Variants in NINJ1 observed in about 807,000 individuals in gnomAD.
The protein encoded by NINJ1 is ninjurin-1.
In NINJ1, 6 loss-of-function variants were observed where a neutral mutation model predicts 12.7. That is an observed-to-expected ratio of 0.47 (90% CI 0.26 to 0.93). NINJ1 has a LOEUF of 0.93. Among genes scored for constraint, NINJ1 ranks in the 40% least tolerant of loss-of-function variants. The probability of loss-of-function intolerance (pLI) is 0.15; values close to 1 mark genes in which losing one functional copy is unlikely to be tolerated. For missense variants in NINJ1, 170 were observed against 213.0 expected (o/e 0.80, Z 1.26); for synonymous variants, 100 against 96.0 (o/e 1.04, Z -0.25).
intron 1 of NINJ1, chr9:93,131,555 G>A (rs1232200393): frequency 6.6e-6 from 1 of 152,322 alleles, no homozygotes; most frequent in Non-Finnish European, 1.5e-5. Context: ...TGAGGGGCAG[G>A]AAGGTGTGGC....
At chr9:93,133,721 C>T (rs1827931914) in intron 1 of NINJ1, among the ~76,000 whole-genome samples, 1 of 152,214 alleles carries the variant, frequency 6.6e-6, no homozygotes, top group Admixed American at 6.5e-5. Context: ...GCTGTGACTC[C>T]CCTCCGCCCG....
chr9:93,130,842 G>A (rs1377100244), intron 1 of NINJ1, among the ~76,000 whole-genome samples: 2 of 152,238 alleles, frequency 1.3e-5, no homozygotes, highest in Admixed American at 6.5e-5. Flanking sequence ...AGGTTCTCCT[G>A]TGCTGAGCAG....
chr9:93,122,228 G>A lies in NINJ1; in HGVS notation c.*12C>T, dbSNP rs1451481320. The A allele has an allele frequency of 2.0e-5, 3 of 153,612 alleles. No individual in the cohort carries two copies. The highest frequency in any genetic ancestry group is 7.2e-5 in the African/African-American group (3 of 41,466). 9.5% of individuals were successfully genotyped at this position (153,612 alleles called of 1,614,324 possible). On this transcript the variant is annotated splice_region_variant and 3_prime_UTR_variant, in exon 4 of 4. Coordinates refer to ENST00000375446, the MANE Select transcript of NINJ1 (RefSeq NM_004148.4). ...AGTTGCAGGGCAGGCAACATCCAGG[G>A]TCCTGGAAAGGAGACAGAGGAGAGG... is the stretch of plus-strand genomic sequence containing the variant.
At chr9:93,123,373 C>T (rs1422853460) in intron 3 of NINJ1, among the ~76,000 whole-genome samples, 1 of 152,212 alleles carries the variant, frequency 6.6e-6, no homozygotes, top group Non-Finnish European at 1.5e-5. Flanking sequence ...CAATCTCCAC[C>T]TTCCAGGTTC....
chr9:93,124,154 G>T (rs1587663004), intron 3 of NINJ1, among the ~76,000 whole-genome samples: 2 of 152,232 alleles, frequency 1.3e-5, no homozygotes, highest in African/African-American at 4.8e-5. Context: ...GGCATGTCAG[G>T]CAGGCGGTCA....
chr9:93,132,973 C>G (rs1246809505), intron 1 of NINJ1, among the ~76,000 whole-genome samples: 4 of 152,228 alleles, frequency 2.6e-5, no homozygotes, highest in Non-Finnish European at 4.4e-5. Context: ...CCTTTGTTCT[C>G]TCTTTATAAG....
rs564046350 is a variant in NINJ1, at chr9:93,134,075, G to A, written c.75+68C>T. 412 of 1,294,226 alleles carry A rather than the reference G, an allele frequency of 3.2e-4. 1 individual carries two copies. In the African/African-American group the frequency reaches 5.3e-3, roughly 17 times the overall value. 80.2% of individuals were successfully genotyped at this position (1,294,226 alleles called of 1,614,324 possible). A position where few individuals can be genotyped will look rare whatever the true frequency, so the allele number is the denominator to read the frequency against. On this transcript the variant is annotated intron_variant, in intron 1 of 3. Transcript: ENST00000375446. ...GCGGACGCGGCGCACACAGGTGCCC[G>A]GGGAGCCGCGGCGCCCCGAAAGGAC...
intron 1 of NINJ1, among the ~76,000 whole-genome samples, chr9:93,133,179 A>G (rs1827922661): frequency 6.6e-6 from 1 of 152,098 alleles, no homozygotes; most frequent in African/African-American, 2.4e-5. Context: ...CCCCAGGGCC[A>G]TCCTATCCCG....
chr9:93,121,946 G>T lies in NINJ1; in HGVS notation c.*294C>A, dbSNP rs1827743059. ...GGTCGAGACCCTTCTCTGGGCACAG[G>T]TCTCTGCAGCTGTCCAGTTCTGACC... On this transcript the variant is annotated 3_prime_UTR_variant, in exon 4 of 4. Coordinates refer to ENST00000375446, the MANE Select transcript of NINJ1 (RefSeq NM_004148.4). 1 of 152,324 alleles carries T rather than the reference G, an allele frequency of 6.6e-6. No individual in the cohort carries two copies. 9.4% of individuals were successfully genotyped at this position (152,324 alleles called of 1,614,324 possible).
Position 93,124,139 on chromosome 9 carries a change from A to C in NINJ1, c.*9+760T>G, listed in dbSNP as rs529013907. ...CCGTCCTGGTCAGAGTGGCACAGTG[A>C]GGTGGGCATGTCAGGCAGGCGGTCA... On this transcript the variant is annotated intron_variant, in intron 3 of 3. Coordinates refer to ENST00000375446, the MANE Select transcript of NINJ1 (RefSeq NM_004148.4). Among the ~76,000 whole-genome samples the C allele has an allele frequency of 1.7e-4, 26 of 152,300 alleles. No individual in the cohort carries two copies. In the East Asian group the frequency reaches 3.3e-3, roughly 19 times the overall value.
chr9:93,129,568 C>A (rs971422423), intron 1 of NINJ1, among the ~76,000 whole-genome samples: 1 of 152,218 alleles, frequency 6.6e-6, no homozygotes, highest in African/African-American at 2.4e-5. Context: ...GGCCCTGACG[C>A]AAGCTCCCCC....
intron 1 of NINJ1, among the ~76,000 whole-genome samples, chr9:93,132,961 A>G (rs897721948): frequency 1.3e-5 from 2 of 152,070 alleles, no homozygotes; most frequent in Non-Finnish European, 2.9e-5. Context: ...GGCAGGAGAG[A>G]CCCTTTGTTC....
intron 2 of NINJ1, 28 bp downstream of exon 2, chr9:93,126,382 G>GC (rs1444586493): frequency 4.4e-6 from 7 of 1,587,186 alleles, no homozygotes; most frequent in Non-Finnish European, 6.0e-6. Context: ...TGAGCAGGTG[G>GC]CCTGGCTGCC....
intron 1 of NINJ1, among the ~76,000 whole-genome samples, chr9:93,129,103 C>G (rs564154883): frequency 6.6e-6 from 1 of 152,196 alleles, no homozygotes; most frequent in Non-Finnish European, 1.5e-5. Flanking sequence ...GCTCTCAGCA[C>G]CCCCAGCCAC....
rs749553353 is a variant in NINJ1 at position 93,124,938 on chromosome 9, CT to C, written c.428del (p.Lys143SerfsTer3). 3.7e-6 allele frequency: 6 copies of C among 1,613,570 alleles called. No homozygotes were observed. Among genetic ancestry groups the C allele is most frequent in the Non-Finnish European group, 5.1e-6 (6 of 1,179,686 alleles). On this transcript the variant is annotated frameshift_variant, in exon 3 of 4. Coordinates refer to ENST00000375446, the MANE Select transcript of NINJ1 (RefSeq NM_004148.4). LOFTEE classifies it high-confidence loss of function. ...GCTGGGGTGCCATGTCCATCAAGGG[CT>C]TCTGGACCCCGAAGGCCGTGATGAA... is the stretch of plus-strand genomic sequence containing the variant. ...NIFITAFGVQKPLMDMAPQQ is the reference protein window; with the variant it reads ...NIFITAFGVQXPLMDMAPQQ
At chr9:93,131,250 TGGAAGGCGGGG>T (rs1827889109) in intron 1 of NINJ1, among the ~76,000 whole-genome samples, 1 of 152,218 alleles carries the variant, frequency 6.6e-6, no homozygotes, top group East Asian at 1.9e-4. Flanking sequence ...CAGGAAGTGC[TGGAAGGCGGGG>T]TTCCCACCAC....
chr9:93,124,518 GC>G (rs1827780942), intron 3 of NINJ1, among the ~76,000 whole-genome samples: 1 of 151,802 alleles, frequency 6.6e-6, no homozygotes, highest in Admixed American at 6.6e-5. Flanking sequence ...CAAGTGATCT[GC>G]CCGCCTCAGC....
intron 1 of NINJ1, among the ~76,000 whole-genome samples, chr9:93,132,107 G>A (rs1176965967): frequency 2.0e-5 from 3 of 152,010 alleles, no homozygotes; most frequent in African/African-American, 4.8e-5. Context: ...CAGGCACCGC[G>A]ACCACACCCA....
At chr9:93,132,153 C>T (rs1827903712) in intron 1 of NINJ1, among the ~76,000 whole-genome samples, 1 of 152,238 alleles carries the variant, frequency 6.6e-6, no homozygotes. Flanking sequence ...AGAGTGCTGA[C>T]ATGATGTGCC....
Sources: allele counts gnomAD v4.1 joint callset (sites outside exome capture counted in the v4.1 genomes callset), GRCh38; gene constraint gnomAD v4.1.1; transcripts MANE v1.5; gene names NCBI Gene and HGNC (gene_info 2026-07-23, HGNC 2026-07-21).